The following DIP2B variants were observed in gnomAD, a reference collection of about 807,000 sequenced individuals.
DIP2B encodes DIP2 acetate--CoA ligase B (putative).
DIP2B carries 76 observed loss-of-function variants against 198.0 expected under a neutral mutation model. The observed-to-expected ratio is 0.38, with a 90% CI of 0.32 to 0.46. DIP2B has a LOEUF of 0.46. DIP2B is among the 20% of genes least tolerant of loss of function. The pLI, the probability that DIP2B is intolerant of heterozygous loss-of-function variation, is 0.99. For missense variants in DIP2B, 1,559 were observed against 1,978.4 expected, an observed-to-expected ratio of 0.79 and a Z score of 4.02; for synonymous variants, 701 against 739.1, an observed-to-expected ratio of 0.95 and a Z score of 0.84.
intron 18 of DIP2B, 52 bp downstream of exon 18, chr12:50,698,519 A>G (rs1050230921): frequency 1.9e-6 from 3 of 1,581,900 alleles, no homozygotes; most frequent in Non-Finnish European, 2.6e-6. Flanking sequence ...GTCATCAGAG[A>G]TAATAGAGCC....
chr12:50,725,689 T>C (rs1222876880), intron 28 of DIP2B, among the ~76,000 whole-genome samples: 1 of 152,228 alleles, frequency 6.6e-6, no homozygotes, highest in Non-Finnish European at 1.5e-5. Context: ...AGTCATTTAA[T>C]GTGTTATATA....
At chr12:50,516,299 G>A (rs530642656) in intron 1 of DIP2B, among the ~76,000 whole-genome samples, 1 of 151,474 alleles carries the variant, frequency 6.6e-6, no homozygotes, top group African/African-American at 2.4e-5. Flanking sequence ...TCGTCACCAA[G>A]GCTGGAGTGC....
chr12:50,723,243 G>A lies in DIP2B; in HGVS notation c.3208G>A (p.Gly1070Ser). The A allele has an allele frequency of 6.2e-7, 1 of 1,614,124 alleles. No individual in the cohort carries two copies. ...IAAFYGCLYA[G>S]CIPVTVRPPH... The stretch of plus-strand genomic sequence containing the variant: ...CGCCTTCTATGGCTGCCTGTATGCG[G>A]GCTGTATACCTGTGACCGTCAGACC... The change falls in exon 27 of 38, where the codon GGC (glycine) becomes AGC (serine). Residue 1070 changes from glycine to serine, a missense_variant. Gly to Ser is a moderately conservative substitution (Grantham distance 56, BLOSUM62 0). Coordinates refer to ENST00000301180, the MANE Select transcript of DIP2B (RefSeq NM_173602.3).
At chr12:50,604,651 T>C (rs1958966817) in intron 1 of DIP2B, among the ~76,000 whole-genome samples, 1 of 152,226 alleles carries the variant, frequency 6.6e-6, no homozygotes, top group Non-Finnish European at 1.5e-5. Context: ...AGAGTCAGGT[T>C]CTAGCTTTGT....
At chr12:50,575,367 G>A (rs1316964491) in intron 1 of DIP2B, among the ~76,000 whole-genome samples, 2 of 150,030 alleles carry the variant, frequency 1.3e-5, no homozygotes, top group Non-Finnish European at 3.0e-5. Context: ...GTCACCACAG[G>A]CTTGTTTTTT....
intron 30 of DIP2B, among the ~76,000 whole-genome samples, chr12:50,730,331 TC>T (rs1346009499): frequency 1.3e-5 from 2 of 152,072 alleles, no homozygotes; most frequent in African/African-American, 4.8e-5. Context: ...TTCTTTTTCT[TC>T]TTTTTCTTTC....
intron 28 of DIP2B, 49 bp from the exon 29 acceptor site, chr12:50,727,654 C>G: frequency 6.5e-7 from 1 of 1,528,082 alleles, no homozygotes; most frequent in Non-Finnish European, 9.0e-7. Flanking sequence ...CAATGATTTT[C>G]ATGTTCCAGC....
chr12:50,508,476 G>A (rs1957986692), intron 1 of DIP2B, among the ~76,000 whole-genome samples: 1 of 152,034 alleles, frequency 6.6e-6, no homozygotes. Context: ...TGTCATTTGA[G>A]CTTTACTAAA....
Position 50,728,528 on chromosome 12 carries a change from C to T in DIP2B, c.3511-20C>T. On this transcript the variant is annotated intron_variant, in intron 29 of 37. Transcript: ENST00000301180. ...TGTGGGATAACAGTCCCAGCCTGTT[C>T]CATTTTCCATACTTTCCAGATGTCC... 6.2e-7 allele frequency: 1 copy of T among 1,611,420 alleles called. No individual in the cohort carries two copies. The highest frequency in any genetic ancestry group is 8.5e-7 in the Non-Finnish European group (1 of 1,178,172).
At chr12:50,628,866 A>AT (rs1289275934) in intron 2 of DIP2B, among the ~76,000 whole-genome samples, 6 of 151,758 alleles carry the variant, frequency 4.0e-5, no homozygotes, top group African/African-American at 1.5e-4. Context: ...CTCTCTTCTT[A>AT]TCTTCTTTTC....
chr12:50,632,337 G>A (rs1938073596), intron 2 of DIP2B, among the ~76,000 whole-genome samples: 1 of 151,334 alleles, frequency 6.6e-6, no homozygotes, highest in South Asian at 2.1e-4. Context: ...AAATTAGCCA[G>A]GCATGGTGTC....
At chr12:50,566,625 C>A (rs1179241300) in intron 1 of DIP2B, among the ~76,000 whole-genome samples, 2 of 151,900 alleles carry the variant, frequency 1.3e-5, no homozygotes, top group African/African-American at 4.9e-5. Flanking sequence ...TAGTGTCTCA[C>A]AGGTCTCTGA....
At chr12:50,518,153 G>A (rs1017927535) in intron 1 of DIP2B, among the ~76,000 whole-genome samples, 1 of 151,846 alleles carries the variant, frequency 6.6e-6, no homozygotes, top group Non-Finnish European at 1.5e-5. Context: ...CATTCTGGAC[G>A]CATGGCACTG....
At chr12:50,736,487 C>T (rs1592148683) in intron 34 of DIP2B, among the ~76,000 whole-genome samples, 1 of 152,148 alleles carries the variant, frequency 6.6e-6, no homozygotes, top group Non-Finnish European at 1.5e-5. Flanking sequence ...TTCCCTCAGC[C>T]AGCGTATGTG....
intron 1 of DIP2B, among the ~76,000 whole-genome samples, chr12:50,521,023 A>G (rs1025677220): frequency 3.3e-5 from 5 of 150,574 alleles, no homozygotes; most frequent in Admixed American, 1.3e-4. Flanking sequence ...TCCTCTCATC[A>G]TGAAACCTGC....
chr12:50,711,371 G>A (rs995868740), intron 22 of DIP2B, among the ~76,000 whole-genome samples: 1 of 152,214 alleles, frequency 6.6e-6, no homozygotes, highest in African/African-American at 2.4e-5. Flanking sequence ...TATCAGATGC[G>A]TTTTTAATGA....
Position 50,545,284 on chromosome 12 carries a change from T to C in DIP2B, c.100+40044T>C, listed in dbSNP as rs140107208. Among the ~76,000 whole-genome samples, 487 of 152,178 alleles carry C rather than the reference T, an allele frequency of 3.2e-3. 2 individuals carry two copies. Among genetic ancestry groups the C allele is most frequent in the African/African-American group, 0.011 (468 of 41,534 alleles). On this transcript the variant is annotated intron_variant, in intron 1 of 37. Transcript: ENST00000301180. ...TGAGAGTTCCATTTCTTCCTGTACTTACCAATACTTGCTTGCTTGCTCTCT... is the reference window on the plus strand; with the variant it reads ...TGAGAGTTCCATTTCTTCCTGTACTCACCAATACTTGCTTGCTTGCTCTCT...
intron 2 of DIP2B, among the ~76,000 whole-genome samples, chr12:50,628,521 C>T (rs996701317): frequency 1.3e-5 from 2 of 152,198 alleles, no homozygotes; most frequent in East Asian, 1.9e-4. Context: ...AGCTGCATTG[C>T]CCCCTTGGTA....
intron 3 of DIP2B, among the ~76,000 whole-genome samples, chr12:50,649,604 A>G (rs942623408): frequency 1.3e-5 from 2 of 152,254 alleles, no homozygotes; most frequent in African/African-American, 2.4e-5. Flanking sequence ...CTGTAATCCC[A>G]GCAAGTTGGG....
Sources: gnomAD v4.1 joint callset for allele counts (sites outside exome capture counted in the v4.1 genomes callset) on GRCh38, gnomAD v4.1.1 for gene constraint, MANE v1.5 for transcripts, NCBI Gene and HGNC (gene_info 2026-07-23, HGNC 2026-07-21) for gene names.